The following PLCL2 variants were observed in gnomAD, a reference collection of about 807,000 sequenced individuals.
The protein encoded by PLCL2 is phospholipase C like 2, also known as inactive phospholipase C-like protein 2.
PLCL2 carries 4 observed loss-of-function variants against 79.6 expected under a neutral mutation model. The ratio of observed to expected loss-of-function variants is 0.05; its 90% CI spans 0.02 to 0.11. The LOEUF (loss-of-function observed/expected upper bound fraction) is 0.11. Among genes scored for constraint, PLCL2 ranks in the 10% least tolerant of loss-of-function variants. The probability of loss-of-function intolerance (pLI) is 1.00; values close to 1 mark genes in which losing one functional copy is unlikely to be tolerated. For synonymous variants in PLCL2, 484 were observed against 457.7 expected (o/e 1.06, Z -0.73); for missense variants, 895 against 1,291.0 (o/e 0.69, Z 4.70).
intron 2 of PLCL2, among the ~76,000 whole-genome samples, chr3:17,012,665 G>A (rs1420886546): frequency 6.6e-6 from 1 of 152,250 alleles, no homozygotes; most frequent in Non-Finnish European, 1.5e-5. Flanking sequence ...TGAGAGGATA[G>A]CTAATTCTGT....
intron 4 of PLCL2, among the ~76,000 whole-genome samples, chr3:17,045,579 G>A (rs554779583): frequency 1.3e-5 from 2 of 152,266 alleles, no homozygotes; most frequent in South Asian, 2.1e-4. Flanking sequence ...GAAACAACTC[G>A]GAGATGCGCA....
chr3:16,899,648 CG>C (rs1481542958), intron 1 of PLCL2, among the ~76,000 whole-genome samples: 3 of 151,990 alleles, frequency 2.0e-5, no homozygotes, highest in African/African-American at 7.3e-5. Flanking sequence ...TATGTCTTTT[CG>C]GGACCAGGGC....
At chr3:17,005,298 C>T (rs758324567) in intron 1 of PLCL2, among the ~76,000 whole-genome samples, 20 of 152,246 alleles carry the variant, frequency 1.3e-4, no homozygotes, top group African/African-American at 3.1e-4. Context: ...TTCTCCAGAG[C>T]GAGCTAAATC....
intron 1 of PLCL2, among the ~76,000 whole-genome samples, chr3:16,940,147 G>C (rs766545769): frequency 5.9e-5 from 9 of 152,130 alleles, no homozygotes; most frequent in Non-Finnish European, 1.3e-4. Context: ...CCCTCGTCCA[G>C]ATGTCCCTCC....
chr3:17,089,420 T>G (rs1363048850), intron 5 of PLCL2, among the ~76,000 whole-genome samples: 2 of 152,086 alleles, frequency 1.3e-5, no homozygotes, highest in African/African-American at 4.8e-5. Flanking sequence ...AAAACAAGAT[T>G]GGCCAAACAA....
Position 17,089,862 on chromosome 3 carries a change from C to G in PLCL2, c.3334C>G (p.Arg1112Gly). The G allele has an allele frequency of 6.2e-7, 1 of 1,613,776 alleles. No homozygotes were observed. Among genetic ancestry groups the G allele is most frequent in the Non-Finnish European group, 8.5e-7 (1 of 1,179,874 alleles). Reference protein sequence around the residue: ...TENADVQKPRRSLEVIPEKAN... With the variant: ...TENADVQKPRGSLEVIPEKAN... ...AAATGCTGATGTCCAGAAGCCACGC[C>G]GGAGCTTGGAAGTCATACCCGAAAA... The change falls in exon 6 of 6, where the codon CGG becomes GGG. Residue 1112 changes from arginine (R) to glycine (G), a missense_variant. Coordinates refer to ENST00000615277, the MANE Select transcript of PLCL2 (RefSeq NM_001144382.2).
At chr3:16,983,874 T>A (rs765775044) in intron 1 of PLCL2, among the ~76,000 whole-genome samples, 1 of 152,242 alleles carries the variant, frequency 6.6e-6, no homozygotes, top group Non-Finnish European at 1.5e-5. Context: ...GGAATATGCC[T>A]AATGCTTTCA....
chr3:16,986,861 C>T (rs1247548758), intron 1 of PLCL2, among the ~76,000 whole-genome samples: 2 of 152,038 alleles, frequency 1.3e-5, no homozygotes, highest in African/African-American at 4.8e-5. Context: ...GTCAAGTGTA[C>T]CAGGAGTCCT....
At chr3:16,918,289 A>G (rs1697044163) in intron 1 of PLCL2, among the ~76,000 whole-genome samples, 3 of 152,210 alleles carry the variant, frequency 2.0e-5, no homozygotes, top group Non-Finnish European at 1.5e-5. Context: ...TGTGCTTTAT[A>G]TGAAAATCTC....
intron 4 of PLCL2, among the ~76,000 whole-genome samples, chr3:17,059,450 G>GTGTATATATATACACT (rs1553649924): frequency 2.0e-5 from 3 of 147,142 alleles, no homozygotes; most frequent in African/African-American, 5.1e-5. Context: ...ATGTGTGTGT[G>GTGTATATATATACACT]TGTATATATA....
At chr3:17,076,640 C>G (rs1285362178) in intron 5 of PLCL2, among the ~76,000 whole-genome samples, 2 of 151,974 alleles carry the variant, frequency 1.3e-5, no homozygotes, top group Non-Finnish European at 2.9e-5. Context: ...GTAGCTGGGA[C>G]CACAGGCACG....
chr3:16,935,104 T>C (rs1397908621), intron 1 of PLCL2, among the ~76,000 whole-genome samples: 1 of 152,204 alleles, frequency 6.6e-6, no homozygotes, highest in Non-Finnish European at 1.5e-5. Context: ...ACCAATCTGA[T>C]AGGAAGAAAA....
intron 1 of PLCL2, among the ~76,000 whole-genome samples, chr3:16,998,163 A>T (rs1018981814): frequency 5.3e-5 from 8 of 151,002 alleles, no homozygotes; most frequent in African/African-American, 2.0e-4. Flanking sequence ...AACCCCAAGC[A>T]GTGCCAGAGT....
In PLCL2 at chr3:17,010,145, A is replaced by C. The variant is rs1374633462; in HGVS notation, c.799A>C (p.Met267Leu). 2 of 1,613,538 alleles carry C rather than the reference A, an allele frequency of 1.2e-6. No individual in the cohort carries two copies. The highest frequency in any genetic ancestry group is 1.3e-5 in the African/African-American group (1 of 74,916). The change falls in exon 2 of 6, where the codon ATG (methionine) becomes CTG (leucine). Residue 267 changes from methionine (M) to leucine (L), a missense_variant. Met to Leu is a conservative substitution (Grantham distance 15). Coordinates refer to ENST00000615277, the MANE Select transcript of PLCL2 (RefSeq NM_001144382.2). The surrounding 1 kb of genome is among the most constrained non-coding windows in gnomAD (Gnocchi z 5.8). ...TATGTTAGAAAGTAGCCAAGATAAC[A>C]TGAGGACTTCTTGGGTTTCACAAAT... ...LDMLESSQDN[M>L]RTSWVSQMFS...
intron 4 of PLCL2, among the ~76,000 whole-genome samples, chr3:17,050,059 G>T (rs1172040042): frequency 2.0e-5 from 3 of 152,128 alleles, no homozygotes; most frequent in Admixed American, 6.6e-5. Context: ...TTTGACAAGG[G>T]TGTCAAGATT....
intron 1 of PLCL2, among the ~76,000 whole-genome samples, chr3:16,929,255 C>T (rs189828633): frequency 3.3e-5 from 5 of 152,202 alleles, no homozygotes; most frequent in Non-Finnish European, 7.4e-5. Context: ...TAGGACTTGT[C>T]TCAGAGCCTA....
intron 3 of PLCL2, among the ~76,000 whole-genome samples, chr3:17,022,610 C>G (rs537839023): frequency 6.6e-6 from 1 of 152,158 alleles, no homozygotes; most frequent in South Asian, 2.1e-4. Context: ...TCCAAAGCTG[C>G]GAGGAAGCAC....
intron 4 of PLCL2, among the ~76,000 whole-genome samples, chr3:17,063,443 G>A (rs1172356051): frequency 6.7e-6 from 1 of 149,210 alleles, no homozygotes; most frequent in African/African-American, 2.5e-5. Context: ...CTTCCTAATC[G>A]GATTTTCTTC....
chr3:17,086,835 C>G (rs2065224905), intron 5 of PLCL2, among the ~76,000 whole-genome samples: 1 of 152,036 alleles, frequency 6.6e-6, no homozygotes, highest in Non-Finnish European at 1.5e-5. Context: ...AGGAAACAAC[C>G]TGATTAAAAA....
Sources: allele counts gnomAD v4.1 joint callset (sites outside exome capture counted in the v4.1 genomes callset), GRCh38; gene constraint gnomAD v4.1.1; non-coding constraint Gnocchi (gnomAD v3.1); transcripts MANE v1.5; gene names NCBI Gene and HGNC (gene_info 2026-07-23, HGNC 2026-07-21).